The following DMRT1 variants were observed in gnomAD, a reference collection of about 807,000 sequenced individuals.
DMRT1 encodes doublesex- and mab-3-related transcription factor 1.
Under a neutral mutation model 32.3 loss-of-function variants are expected in DMRT1, and 7 were observed. The observed-to-expected ratio is 0.22, with a 90% confidence interval of 0.12 to 0.41. The LOEUF is 0.41. DMRT1 is among the 10% of genes least tolerant of loss of function. The pLI is 1.00. For missense variants in DMRT1, 625 were observed against 500.5 expected (o/e 1.25, Z -2.37); for synonymous variants, 278 against 206.1 (o/e 1.35, Z -2.99).
chr9:874,801 C>CTTTT (rs71327354), intron 2 of DMRT1, among the ~76,000 whole-genome samples: 14 of 76,936 alleles, frequency 1.8e-4, no homozygotes, highest in Admixed American at 3.6e-4. Flanking sequence ...ACAAGTTAAT[C>CTTTT]TTTTTTTTTT....
intron 3 of DMRT1, among the ~76,000 whole-genome samples, chr9:916,368 A>T (rs543789947): frequency 6.7e-6 from 1 of 149,348 alleles, no homozygotes; most frequent in East Asian, 2.0e-4. Flanking sequence ...TATTCCCTTA[A>T]TTTGCTTTTT....
chr9:867,843 T>C (rs979614042), intron 2 of DMRT1, among the ~76,000 whole-genome samples: 1 of 152,246 alleles, frequency 6.6e-6, no homozygotes, highest in Non-Finnish European at 1.5e-5. Flanking sequence ...TTTTCCTTTC[T>C]TGAGATATAT....
intron 4 of DMRT1, among the ~76,000 whole-genome samples, chr9:932,205 A>T (rs1027934691): frequency 1.3e-5 from 2 of 152,160 alleles, no homozygotes; most frequent in Non-Finnish European, 2.9e-5. Flanking sequence ...AATTTCAGAA[A>T]ATTTCTAATC....
At chr9:900,251 C>T (rs1817521874) in intron 3 of DMRT1, among the ~76,000 whole-genome samples, 1 of 152,212 alleles carries the variant, frequency 6.6e-6, no homozygotes, top group Admixed American at 6.5e-5. Context: ...TGGCCCGGTG[C>T]TCCAGCACCT....
intron 3 of DMRT1, among the ~76,000 whole-genome samples, chr9:897,642 C>G (rs367555562): frequency 6.6e-6 from 1 of 151,870 alleles, no homozygotes; most frequent in South Asian, 2.1e-4. Flanking sequence ...TATCTTCTCC[C>G]TATTATGTCG....
intron 4 of DMRT1, among the ~76,000 whole-genome samples, chr9:922,260 GA>G (rs1197510815): frequency 3.4e-5 from 5 of 149,074 alleles, no homozygotes; most frequent in Admixed American, 1.3e-4. Flanking sequence ...TTGGAAACTG[GA>G]AAAAAAAAAG....
chr9:849,093 G>C lies in DMRT1; in HGVS notation c.538+1950G>C, dbSNP rs139381651. ...CATTTGATTTTCACAAACGTCTCAGGAGGTAGGAATTATTATCCTCATTTA... is the reference window on the plus strand; with the variant it reads ...CATTTGATTTTCACAAACGTCTCAGCAGGTAGGAATTATTATCCTCATTTA... On this transcript the variant is annotated intron_variant, in intron 2 of 4. Transcript: ENST00000382276. Among the ~76,000 whole-genome samples the C allele has an allele frequency of 1.4e-3, 214 of 151,666 alleles. 6 individuals are homozygous for C. The East Asian group carries it at 0.038, about 27-fold the overall frequency.
At chr9:858,612 G>A (rs976850182) in intron 2 of DMRT1, among the ~76,000 whole-genome samples, 8 of 151,948 alleles carry the variant, frequency 5.3e-5, no homozygotes, top group Non-Finnish European at 1.2e-4. Context: ...AGTGGCTCAC[G>A]CCTGTAATCC....
chr9:853,746 C>T (rs1445969711), intron 2 of DMRT1, among the ~76,000 whole-genome samples: 2 of 151,818 alleles, frequency 1.3e-5, no homozygotes, highest in African/African-American at 2.4e-5. Context: ...CTCAGGTGCT[C>T]CGCCTGCCTC....
At chr9:886,502 C>T (rs1338485051) in intron 2 of DMRT1, among the ~76,000 whole-genome samples, 1 of 152,038 alleles carries the variant, frequency 6.6e-6, no homozygotes, top group Non-Finnish European at 1.5e-5. Context: ...GTGATCCACC[C>T]GCCGCAGCCT....
chr9:887,140 G>C (rs947832708), intron 2 of DMRT1, among the ~76,000 whole-genome samples: 1 of 152,160 alleles, frequency 6.6e-6, no homozygotes, highest in Non-Finnish European at 1.5e-5. Flanking sequence ...GCAGTGAGCC[G>C]AGATCAGGAG....
intron 4 of DMRT1, among the ~76,000 whole-genome samples, chr9:930,999 TC>T (rs1187164936): frequency 6.6e-6 from 1 of 152,076 alleles, no homozygotes; most frequent in Non-Finnish European, 1.5e-5. Context: ...CCCAAAACAA[TC>T]CCCATATTAC....
At chr9:863,795 C>G (rs1029851706) in intron 2 of DMRT1, among the ~76,000 whole-genome samples, 1 of 152,172 alleles carries the variant, frequency 6.6e-6, no homozygotes, top group African/African-American at 2.4e-5. Flanking sequence ...CTAGATTTCC[C>G]TTGTTAGTGG....
chr9:869,346 T>C (rs1292931226), intron 2 of DMRT1, among the ~76,000 whole-genome samples: 1 of 152,218 alleles, frequency 6.6e-6, no homozygotes, highest in Non-Finnish European at 1.5e-5. Flanking sequence ...TACACTTGCA[T>C]TGTGAATACA....
At chr9:871,650 A>G (rs1166771773) in intron 2 of DMRT1, among the ~76,000 whole-genome samples, 1 of 112,776 alleles carries the variant, frequency 8.9e-6, no homozygotes, top group South Asian at 2.8e-4. Flanking sequence ...AACTTTTTGT[A>G]TTTTTAGTAG....
intron 4 of DMRT1, among the ~76,000 whole-genome samples, chr9:946,787 T>C (rs112770637): frequency 0.015 from 2,240 of 152,308 alleles, 57 homozygotes; most frequent in African/African-American, 0.051. Context: ...AAAAATGTGC[T>C]GCCTCCTTGG....
chr9:948,362 C>G (rs888361044), intron 4 of DMRT1, among the ~76,000 whole-genome samples: 10 of 152,130 alleles, frequency 6.6e-5, no homozygotes, highest in African/African-American at 2.2e-4. Context: ...TTCTCCTCTC[C>G]TCTCCACAGG....
chr9:893,640 G>T (rs1370763921), intron 2 of DMRT1, among the ~76,000 whole-genome samples: 2 of 152,212 alleles, frequency 1.3e-5, no homozygotes, highest in Admixed American at 6.5e-5. Context: ...TAGAAGTTGT[G>T]CTGTTGGGCT....
At chr9:854,326 C>T (rs549317152) in intron 2 of DMRT1, among the ~76,000 whole-genome samples, 150 of 151,940 alleles carry the variant, frequency 9.9e-4, no homozygotes, top group Non-Finnish European at 1.7e-3. Context: ...TCACTCTTGC[C>T]CAGGTTGGAG....
Sources: gnomAD v4.1 joint callset for allele counts (sites outside exome capture counted in the v4.1 genomes callset) on GRCh38, gnomAD v4.1.1 for gene constraint, MANE v1.5 for transcripts, NCBI Gene and HGNC (gene_info 2026-07-23, HGNC 2026-07-21) for gene names.